The following EZR variants were observed in gnomAD, a reference collection of about 807,000 sequenced individuals.
EZR encodes the protein ezrin.
In EZR, 40 loss-of-function variants were observed where a neutral mutation model predicts 74.8. That is an observed-to-expected ratio of 0.53 (90% confidence interval 0.42 to 0.70). The LOEUF (loss-of-function observed/expected upper bound fraction) is 0.70. Ranked by LOEUF, EZR falls within the 30% of genes least tolerant of loss-of-function variation. The pLI is 0.00. For missense variants in EZR, 678 were observed against 755.8 expected, an observed-to-expected ratio of 0.90 and a Z score of 1.21; for synonymous variants, 341 against 283.3, an observed-to-expected ratio of 1.20 and a Z score of -2.05.
At position 158,785,335 on chromosome 6, in the gene EZR, G is replaced by A. The variant is rs748712652; in HGVS notation, c.441C>T (p.Leu147=). 1.2e-6 allele frequency: 2 copies of A among 1,614,040 alleles called. No homozygotes were observed. Among genetic ancestry groups the A allele is most frequent in the South Asian group, 2.2e-5 (2 of 91,086 alleles). Residue 147 remains leucine, a synonymous_variant, in exon 5 of 14, where the codon CTC becomes CTT. Transcript: ENST00000367075. ...YNKEVHKSGY[L]SSERLIPQRV... is the part of the protein sequence containing the mutation. ...TTTGAGGGATCAGCCGCTCAGAGCT[G>A]AGGTACCCAGACTTGTGCACTTCTT...
rs113892590 is a variant in EZR at position 158,783,715 on chromosome 6, C to G, written c.552-49G>C. 1,714 of 1,579,420 alleles carry G rather than the reference C, an allele frequency of 1.1e-3. 21 individuals are homozygous for G. The African/African-American group carries it at 0.019, about 18-fold the overall frequency. On this transcript the variant is annotated intron_variant, in intron 6 of 13. Coordinates refer to ENST00000367075, the MANE Select transcript of EZR (RefSeq NM_001111077.2). ...CAGAGTCACTGGTAGCACTCAATAT[C>G]TAGAACAGTAAAACCTTTCCAGTAT...
rs77198313 is a variant in EZR at position 158,805,935 on chromosome 6, C to T, written c.12+12147G>A. Among the ~76,000 whole-genome samples the T allele has an allele frequency of 2.2e-4, 34 of 152,284 alleles. No individual in the cohort carries two copies. In the East Asian group the frequency reaches 6.0e-3, roughly 27 times the overall value. ...TGGCTAAAGCCCTACCCAGTAGATG[C>T]CCCTTATTTTGTTCATTTCAATTTT... On this transcript the variant is annotated intron_variant, in intron 2 of 13. Transcript: ENST00000367075.
chr6:158,782,138 A>G (rs1791449756), intron 7 of EZR, among the ~76,000 whole-genome samples: 1 of 151,784 alleles, frequency 6.6e-6, no homozygotes. Flanking sequence ...TCTCATTTCC[A>G]GGTTCTCTGA....
chr6:158,809,582 G>A (rs1446592407), intron 2 of EZR, among the ~76,000 whole-genome samples: 1 of 152,204 alleles, frequency 6.6e-6, no homozygotes, highest in Admixed American at 6.5e-5. Flanking sequence ...CATGCTCAGA[G>A]TCCATGATGT....
At chr6:158,798,501 G>A (rs898350045) in intron 2 of EZR, among the ~76,000 whole-genome samples, 9 of 152,106 alleles carry the variant, frequency 5.9e-5, no homozygotes, top group South Asian at 4.2e-4. Context: ...GCACTCTGCC[G>A]CCTTAGCCCT....
At chr6:158,805,870 C>T (rs1030816861) in intron 2 of EZR, among the ~76,000 whole-genome samples, 1 of 152,218 alleles carries the variant, frequency 6.6e-6, no homozygotes, top group African/African-American at 2.4e-5. Flanking sequence ...CTTCCCCCAT[C>T]CCTGCCCACA....
intron 4 of EZR, 72 bp downstream of exon 4, chr6:158,787,036 G>C (rs1238462078): frequency 1.6e-6 from 2 of 1,216,276 alleles, no homozygotes; most frequent in African/African-American, 3.0e-5. Context: ...AGGGTGAGTT[G>C]CTCCAGTTTC....
intron 2 of EZR, among the ~76,000 whole-genome samples, chr6:158,793,700 A>G (rs1028602275): frequency 2.0e-5 from 3 of 152,132 alleles, no homozygotes; most frequent in Non-Finnish European, 4.4e-5. Context: ...TCACTGGAAC[A>G]TCTAAAAGCA....
At chr6:158,812,751 T>TG (rs534632553) in intron 2 of EZR, among the ~76,000 whole-genome samples, 328 of 152,240 alleles carry the variant, frequency 2.2e-3, no homozygotes, top group African/African-American at 4.0e-3. Context: ...CCCCCACACC[T>TG]GGTCCTTCTC....
At chr6:158,774,668 ATCAAAC>A (rs1562491949) in intron 8 of EZR, among the ~76,000 whole-genome samples, 1 of 91,042 alleles carries the variant, frequency 1.1e-5, no homozygotes, top group African/African-American at 4.4e-5. Flanking sequence ...TGGACTTATC[ATCAAAC>A]ACACACACAC....
intron 2 of EZR, among the ~76,000 whole-genome samples, chr6:158,802,857 C>T (rs1238085803): frequency 6.6e-6 from 1 of 152,132 alleles, no homozygotes; most frequent in East Asian, 1.9e-4. Flanking sequence ...AGCACAAGAA[C>T]CATACATGGT....
chr6:158,785,073 G>C (rs760948922), intron 5 of EZR, among the ~76,000 whole-genome samples: 2 of 152,238 alleles, frequency 1.3e-5, no homozygotes, highest in Non-Finnish European at 1.5e-5. Context: ...AGGTCGAGAA[G>C]TTTGCTATGC....
intron 4 of EZR, among the ~76,000 whole-genome samples, chr6:158,786,784 A>C (rs1791593671): frequency 6.6e-6 from 1 of 152,252 alleles, no homozygotes; most frequent in Non-Finnish European, 1.5e-5. Context: ...AGGTTCAAAC[A>C]AAGCAATAAC....
chr6:158,766,844 A>G lies in EZR; in HGVS notation c.*70T>C, dbSNP rs1790885879. The G allele has an allele frequency of 1.4e-6, 2 of 1,422,518 alleles. No homozygotes were observed. The highest frequency in any genetic ancestry group is 3.0e-5 in the African/African-American group (2 of 66,028). 88.1% of individuals were successfully genotyped at this position (1,422,518 alleles called of 1,614,324 possible). On this transcript the variant is annotated 3_prime_UTR_variant, in exon 14 of 14. Transcript: ENST00000367075. The stretch of plus-strand genomic sequence containing the variant: ...GGAGTTCCTAGACTTGGAGCACTAA[A>G]GACACAAGCGTGGCGGGGCTGGCAG...
At chr6:158,816,823 C>A (rs796809167) in intron 2 of EZR, among the ~76,000 whole-genome samples, 1 of 152,132 alleles carries the variant, frequency 6.6e-6, no homozygotes, top group East Asian at 1.9e-4. Flanking sequence ...TGGTGGCTCA[C>A]GCCTGTAATC....
At chr6:158,780,723 G>C (rs1791412883) in intron 7 of EZR, among the ~76,000 whole-genome samples, 1 of 152,160 alleles carries the variant, frequency 6.6e-6, no homozygotes, top group African/African-American at 2.4e-5. Context: ...CTAAAGATCA[G>C]GTTCCTCTAG....
rs117340284 is a variant in EZR, at chr6:158,781,140, C to T, written c.698+2380G>A. On this transcript the variant is annotated intron_variant, in intron 7 of 13. Transcript: ENST00000367075. The stretch of plus-strand genomic sequence containing the variant: ...CTAGTTCTACCGAGAGAGGTAACAG[C>T]GCAACAGCTGGCGAGTTCTCAGCAC... 7.4e-3 allele frequency among the ~76,000 whole-genome samples: 1,125 copies of T among 152,238 alleles called. 20 individuals carry two copies. The highest frequency in any genetic ancestry group is 6.9e-3 in the Non-Finnish European group (469 of 68,020).
At chr6:158,785,204 C>A (rs1048146651) in intron 5 of EZR, 105 bp downstream of exon 5, 3 of 1,417,902 alleles carry the variant, frequency 2.1e-6, no homozygotes, top group African/African-American at 1.4e-5. Context: ...GCACTTGACA[C>A]TGGCGAAGTC....
At chr6:158,795,619 C>T (rs990054722) in intron 2 of EZR, among the ~76,000 whole-genome samples, 5 of 152,140 alleles carry the variant, frequency 3.3e-5, no homozygotes, top group African/African-American at 9.7e-5. Context: ...CCAGGCACCT[C>T]GATGGGCACT....
Sources: gnomAD v4.1 joint callset for allele counts (sites outside exome capture counted in the v4.1 genomes callset) on GRCh38, gnomAD v4.1.1 for gene constraint, MANE v1.5 for transcripts, NCBI Gene and HGNC (gene_info 2026-07-23, HGNC 2026-07-21) for gene names.